PRRG1: variants seen among roughly 807,000 people sequenced by gnomAD.
The protein encoded by PRRG1 is transmembrane gamma-carboxyglutamic acid protein 1.
A neutral mutation model predicts 11.8 loss-of-function variants in PRRG1; 5 were observed. That is an observed-to-expected ratio of 0.42 (90% CI 0.22 to 0.89). The LOEUF is 0.89. PRRG1 is among the 40% of genes least tolerant of loss of function. PRRG1 has a pLI of 0.28. For synonymous variants in PRRG1, 66 were observed against 60.4 expected, an observed-to-expected ratio of 1.09 and a Z score of -0.43; for missense variants, 155 against 166.1, an observed-to-expected ratio of 0.93 and a Z score of 0.37.
chrX:37,360,035 C>G (rs1930365922), intron 1 of PRRG1, among the ~76,000 whole-genome samples: 1 of 111,310 alleles, frequency 9.0e-6, no homozygotes, highest in Admixed American at 9.5e-5. Flanking sequence ...TGTGTCCCCT[C>G]TCTTCTTTTC....
At chrX:37,432,009 T>A (rs1932832270) in intron 3 of PRRG1, among the ~76,000 whole-genome samples, 1 of 109,630 alleles carries the variant, frequency 9.1e-6, no homozygotes, top group Admixed American at 9.8e-5. Context: ...AATCCTGAGC[T>A]CAGGCAATCC....
At chrX:37,367,060 C>CA (rs1930593582) in intron 1 of PRRG1, among the ~76,000 whole-genome samples, 1 of 111,443 alleles carries the variant, frequency 9.0e-6, no homozygotes, top group African/African-American at 3.3e-5. Context: ...GTGGTCTCCT[C>CA]AGTCTATGGT....
At chrX:37,428,326 C>T (rs782059233) in intron 3 of PRRG1, among the ~76,000 whole-genome samples, 20 of 111,597 alleles carry the variant, frequency 1.8e-4, no homozygotes, top group Non-Finnish European at 2.3e-4. Flanking sequence ...GTGTCCCTTC[C>T]GCCTATGAGT....
intron 3 of PRRG1, among the ~76,000 whole-genome samples, chrX:37,447,686 C>G (rs1933101695): frequency 8.9e-6 from 1 of 112,302 alleles, no homozygotes; most frequent in Non-Finnish European, 1.9e-5. Context: ...ATATTCTCTT[C>G]AATATGTTGC....
intron 2 of PRRG1, among the ~76,000 whole-genome samples, chrX:37,422,742 C>A (rs1932697092): frequency 9.0e-6 from 1 of 111,466 alleles, no homozygotes; most frequent in South Asian, 3.8e-4. Context: ...CAATGATGGT[C>A]CCATAAGATT....
intron 1 of PRRG1, among the ~76,000 whole-genome samples, chrX:37,386,978 A>G: frequency 9.0e-6 from 1 of 111,649 alleles, no homozygotes; most frequent in Non-Finnish European, 1.9e-5. Context: ...CAAATAGCCT[A>G]CCAGAACTTA....
chrX:37,417,508 A>G (rs1232494907), intron 2 of PRRG1, among the ~76,000 whole-genome samples: 1 of 112,143 alleles, frequency 8.9e-6, no homozygotes, highest in Non-Finnish European at 1.9e-5. Flanking sequence ...TTTCAGAAAT[A>G]GTTTAACAAT....
At chrX:37,352,952 A>G (rs1221426900) in intron 1 of PRRG1, among the ~76,000 whole-genome samples, 1 of 112,080 alleles carries the variant, frequency 8.9e-6, no homozygotes, top group Non-Finnish European at 1.9e-5. Flanking sequence ...AACACTTGAT[A>G]ATAAATAACT....
chrX:37,441,306 A>T, intron 3 of PRRG1: 1 of 759,491 alleles, frequency 1.3e-6, no homozygotes, highest in South Asian at 6.6e-5. Context: ...TAAAAACTGG[A>T]CACAGGTCAG....
intron 3 of PRRG1, among the ~76,000 whole-genome samples, chrX:37,437,320 T>C (rs1602032839): frequency 9.0e-6 from 1 of 111,117 alleles, no homozygotes; most frequent in African/African-American, 3.3e-5. Flanking sequence ...GGGGAGGTGC[T>C]CTCCTGCCCA....
intron 3 of PRRG1, among the ~76,000 whole-genome samples, chrX:37,444,255 C>T (rs1313599974): frequency 1.8e-5 from 2 of 111,618 alleles, no homozygotes; most frequent in East Asian, 2.8e-4. Flanking sequence ...TATTTTTTCT[C>T]TCCTAGATAT....
intron 2 of PRRG1, among the ~76,000 whole-genome samples, chrX:37,418,168 G>A (rs1016668146): frequency 8.9e-6 from 1 of 112,166 alleles, no homozygotes; most frequent in Non-Finnish European, 1.9e-5. Context: ...CATATATCCC[G>A]ACTACAAATT....
chrX:37,452,281 G>C (rs782025083), intron 3 of PRRG1, among the ~76,000 whole-genome samples: 2 of 111,744 alleles, frequency 1.8e-5, no homozygotes, highest in Non-Finnish European at 3.8e-5. Context: ...AATTAGACAT[G>C]TTATAAATGT....
chrX:37,434,500 A>G (rs900053492), intron 3 of PRRG1, among the ~76,000 whole-genome samples: 15 of 112,069 alleles, frequency 1.3e-4, no homozygotes, highest in Admixed American at 3.8e-4. Context: ...TTATACCTCA[A>G]TAAAGCTGAG....
chrX:37,398,193 C>A (rs1486656346), intron 1 of PRRG1, among the ~76,000 whole-genome samples: 2 of 110,936 alleles, frequency 1.8e-5, no homozygotes, highest in Non-Finnish European at 1.9e-5. Context: ...GGTCCCTGAT[C>A]CCCGACCCCC....
chrX:37,376,273 G>A (rs782780566), intron 1 of PRRG1, among the ~76,000 whole-genome samples: 1 of 107,174 alleles, frequency 9.3e-6, no homozygotes. Flanking sequence ...CCTGTTTATA[G>A]TGTGTTCTAT....
intron 2 of PRRG1, among the ~76,000 whole-genome samples, chrX:37,415,893 C>G (rs1464227783): frequency 8.9e-6 from 1 of 111,884 alleles, no homozygotes; most frequent in Non-Finnish European, 1.9e-5. Flanking sequence ...TTAAAGCAAT[C>G]AAGAATCCTT....
intron 1 of PRRG1, among the ~76,000 whole-genome samples, chrX:37,375,247 C>T (rs1556371792): frequency 9.0e-6 from 1 of 111,445 alleles, no homozygotes; most frequent in Non-Finnish European, 1.9e-5. Flanking sequence ...TTCGCAAGTG[C>T]TTCTCAGTTT....
intron 2 of PRRG1, 126 bp downstream of exon 2, chrX:37,406,385 G>A (rs1556382015): frequency 1.4e-6 from 1 of 697,675 alleles, no homozygotes; most frequent in Non-Finnish European, 2.1e-6. Flanking sequence ...GTGTTAGAAA[G>A]TTTTTGTCTG....
Sources: gnomAD v4.1 joint callset for allele counts (sites outside exome capture counted in the v4.1 genomes callset) on GRCh38, gnomAD v4.1.1 for gene constraint, MANE v1.5 for transcripts, NCBI Gene and HGNC (gene_info 2026-07-23, HGNC 2026-07-21) for gene names.